The following DDX55 variants were observed in gnomAD, a reference collection of about 807,000 sequenced individuals.
DDX55 encodes the protein DEAD-box helicase 55.
In DDX55, 56 loss-of-function variants were observed where a neutral mutation model predicts 69.2. The ratio of observed to expected loss-of-function variants is 0.81; its 90% CI spans 0.65 to 1.01. The LOEUF is 1.01. DDX55 is among the 50% of genes least tolerant of loss of function. The pLI, the probability that DDX55 is intolerant of heterozygous loss-of-function variation, is 0.00. For missense variants in DDX55, 720 were observed against 745.1 expected (o/e 0.97, Z 0.39); for synonymous variants, 268 against 273.1 (o/e 0.98, Z 0.18).
At position 123,616,216 on chromosome 12, in the gene DDX55, CGTT is replaced by C. The variant is rs1177920888; in HGVS notation, c.957-291_957-289del. On this transcript the variant is annotated intron_variant, in intron 9 of 13. Coordinates refer to ENST00000238146, the MANE Select transcript of DDX55 (RefSeq NM_020936.3). ...GGCCTCAGTTATGGAGTGAATTGTC[CGTT>C]GTTTTTCAGATGGCTACAAAGGATT... Among the ~76,000 whole-genome samples, 3 of 152,160 alleles carry C rather than the reference CGTT, an allele frequency of 2.0e-5. No individual in the cohort carries two copies. In the East Asian group the frequency reaches 5.8e-4, roughly 29 times the overall value.
chr12:123,617,197 C>G (rs116173405), intron 10 of DDX55, among the ~76,000 whole-genome samples: 3,275 of 152,232 alleles, frequency 0.022, 134 homozygotes, highest in African/African-American at 0.075. Context: ...GATGAATAAC[C>G]CATTCATGGT....
intron 6 of DDX55, 149 bp downstream of exon 6, chr12:123,608,978 A>T: frequency 1.2e-6 from 1 of 839,130 alleles, no homozygotes; most frequent in Non-Finnish European, 1.7e-6. Flanking sequence ...TATTAGAGAC[A>T]GGGTCTTGTG....
chr12:123,612,709 C>T (rs1593709887), intron 7 of DDX55, among the ~76,000 whole-genome samples: 2 of 150,850 alleles, frequency 1.3e-5, no homozygotes, highest in South Asian at 2.1e-4. Flanking sequence ...TTTGGCTGGG[C>T]GAGGTGGCTC....
intron 11 of DDX55, chr12:123,618,073 A>G (rs950914222): frequency 3.8e-6 from 2 of 520,142 alleles, no homozygotes; most frequent in African/African-American, 2.0e-5. Flanking sequence ...CTGGAGTGCA[A>G]TGGCACTATC....
chr12:123,603,634 C>G (rs1953708458), intron 1 of DDX55, among the ~76,000 whole-genome samples: 1 of 152,090 alleles, frequency 6.6e-6, no homozygotes, highest in Non-Finnish European at 1.5e-5. Flanking sequence ...TCCTGATCCA[C>G]CCGCCTTGGC....
chr12:123,616,780 A>T, intron 10 of DDX55, 177 bp downstream of exon 10: 1 of 686,370 alleles, frequency 1.5e-6, no homozygotes, highest in African/African-American at 1.8e-5. Context: ...AACAGTTTTG[A>T]AATGGTTTGA....
intron 1 of DDX55, among the ~76,000 whole-genome samples, chr12:123,603,314 T>G (rs1159839790): frequency 6.6e-6 from 1 of 151,500 alleles, no homozygotes; most frequent in Non-Finnish European, 1.5e-5. Flanking sequence ...AAGTCACATT[T>G]GGGATAGCTT....
At chr12:123,615,080 T>C (rs2135728646) in intron 8 of DDX55, 105 bp from the exon 9 acceptor site, 1 of 1,482,024 alleles carries the variant, frequency 6.7e-7, no homozygotes, top group East Asian at 2.3e-5. Context: ...AGGGAGGGCT[T>C]GTAGTTAGGT....
In DDX55 at chr12:123,620,627, T is replaced by TATATATATATATAA. The variant is rs1250251932; in HGVS notation, c.*488_*489insTATATATATATAAA. ...ATATATATATATATATATATATATA[T>TATATATATATATAA]AAGCTCTTTTTTCTGAGGCTATTTT... On this transcript the variant is annotated 3_prime_UTR_variant, in exon 14 of 14. Transcript: ENST00000238146. 4.0e-5 allele frequency: 4 copies of TATATATATATATAA among 99,842 alleles called. No homozygotes were observed. The highest frequency in any genetic ancestry group is 6.4e-5 in the Non-Finnish European group (3 of 46,672). The allele number at this position is 99,842 out of a possible 1,614,324, so 6.2% of individuals were successfully genotyped here.
Position 123,620,712 on chromosome 12 carries a change from T to C in DDX55, c.*572T>C, listed in dbSNP as rs113933929. The C allele has an allele frequency of 6.7e-6, 1 of 148,616 alleles. No homozygotes were observed. The highest frequency in any genetic ancestry group is 2.5e-5 in the African/African-American group (1 of 40,610). The allele number at this position is 148,616 out of a possible 1,614,324, so 9.2% of individuals were successfully genotyped here. On this transcript the variant is annotated 3_prime_UTR_variant, in exon 14 of 14. Transcript: ENST00000238146. ...TCTTGACTTCTGATTTTCAAAACCA[T>C]TCCTCAGTATCTTCAGGCATTTGAC...
intron 10 of DDX55, 107 bp downstream of exon 10, chr12:123,616,710 G>A: frequency 1.6e-6 from 2 of 1,234,256 alleles, no homozygotes; most frequent in East Asian, 4.7e-5. Flanking sequence ...ACATTTTATA[G>A]CAAGCCTCCA....
At chr12:123,615,578 G>T (rs1391294053) in intron 9 of DDX55, among the ~76,000 whole-genome samples, 1 of 152,210 alleles carries the variant, frequency 6.6e-6, no homozygotes, top group East Asian at 1.9e-4. Context: ...TGACACAGGA[G>T]TCCTGTGTAT....
chr12:123,612,660 G>A (rs1464849249), intron 7 of DDX55, among the ~76,000 whole-genome samples: 7 of 150,856 alleles, frequency 4.6e-5, no homozygotes, highest in South Asian at 4.2e-4. Flanking sequence ...TCTGTATGTC[G>A]TACCCAAGAA....
In DDX55 at chr12:123,608,758, C is replaced by T. The variant is rs1252239258; in HGVS notation, c.480C>T (p.Ser160=). 31 of 1,614,006 alleles carry T rather than the reference C, an allele frequency of 1.9e-5. No homozygotes were observed. Among genetic ancestry groups the T allele is most frequent in the Non-Finnish European group, 2.6e-5 (31 of 1,180,034 alleles). Residue 160 remains serine (S), a synonymous_variant, in exon 6 of 14, where the codon AGC becomes AGT. Transcript: ENST00000238146. ...RRKAEGLDLA[S]CVRSLDVLVL... ...AGGCCGAAGGCTTGGATCTGGCCAG[C>T]TGTGTGCGATCCCTGGATGTCCTGG...
In DDX55 at chr12:123,617,405, A is replaced by G. The variant is rs1174798079; in HGVS notation, c.1050-353A>G. Among the ~76,000 whole-genome samples, 11 of 152,146 alleles carry G rather than the reference A, an allele frequency of 7.2e-5. No individual in the cohort carries two copies. In the South Asian group the frequency reaches 1.0e-3, roughly 14 times the overall value. Reference sequence around the variant, plus strand: ...ATAGGAAAATGCCTATAAACCCCCAAGTGTTGATGATTACTCCTGAGGTTA... The same window carrying G: ...ATAGGAAAATGCCTATAAACCCCCAGGTGTTGATGATTACTCCTGAGGTTA... On this transcript the variant is annotated intron_variant, in intron 10 of 13. Transcript: ENST00000238146.
At chr12:123,607,315 TG>T in intron 3 of DDX55, 116 bp from the exon 4 acceptor site, 1 of 1,080,072 alleles carries the variant, frequency 9.3e-7, no homozygotes, top group Non-Finnish European at 1.4e-6. Flanking sequence ...TGAGAAAGTC[TG>T]GGAACTACTG....
intron 7 of DDX55, 121 bp downstream of exon 7, chr12:123,610,249 A>AGGCATTT: frequency 7.6e-7 from 1 of 1,312,528 alleles, no homozygotes. Context: ...TTGGGGACAG[A>AGGCATTT]GCTAGCTAGG....
chr12:123,610,605 CTTTTTTTTTTTTTTT>C (rs35576014), intron 7 of DDX55, among the ~76,000 whole-genome samples: 1 of 90,058 alleles, frequency 1.1e-5, no homozygotes, highest in African/African-American at 4.3e-5. Context: ...TGCTGAGTTT[CTTTTTTTTTTTTTTT>C]TTTTTTTTTG....
At chr12:123,615,467 CTG>C in intron 9 of DDX55, 151 bp downstream of exon 9, 1 of 1,165,900 alleles carries the variant, frequency 8.6e-7, no homozygotes, top group Non-Finnish European at 1.2e-6. Flanking sequence ...TATCACATCT[CTG>C]TAAACACCCC....
Sources: allele counts gnomAD v4.1 joint callset (sites outside exome capture counted in the v4.1 genomes callset), GRCh38; gene constraint gnomAD v4.1.1; transcripts MANE v1.5; gene names NCBI Gene and HGNC (gene_info 2026-07-23, HGNC 2026-07-21).